SLC30A4: variants seen among roughly 807,000 people sequenced by gnomAD.
SLC30A4 encodes the protein solute carrier family 30 member 4, also known as probable proton-coupled zinc antiporter SLC30A4.
SLC30A4 carries 20 observed loss-of-function variants against 41.7 expected under a neutral mutation model. The observed-to-expected ratio is 0.48, with a 90% CI of 0.34 to 0.70. The LOEUF is 0.70. SLC30A4 is among the 30% of genes least tolerant of loss of function. The pLI, the probability that SLC30A4 is intolerant of heterozygous loss-of-function variation, is 0.01. For missense variants in SLC30A4, 441 were observed against 529.3 expected (o/e 0.83, Z 1.64); for synonymous variants, 181 against 195.9 (o/e 0.92, Z 0.64).
At chr15:45,505,159 A>T (rs919112803) in intron 3 of SLC30A4, among the ~76,000 whole-genome samples, 3 of 149,774 alleles carry the variant, frequency 2.0e-5, no homozygotes, top group Admixed American at 6.8e-5. Context: ...TGAATCCGGG[A>T]GGTGGAGGTT....
chr15:45,511,736 G>T (rs371943834), intron 2 of SLC30A4, among the ~76,000 whole-genome samples: 5 of 152,304 alleles, frequency 3.3e-5, no homozygotes, highest in African/African-American at 1.2e-4. Flanking sequence ...CACTCGCCTC[G>T]GCCTTGCAAG....
intron 3 of SLC30A4, among the ~76,000 whole-genome samples, chr15:45,497,850 T>C (rs2140826308): frequency 6.6e-6 from 1 of 152,344 alleles, no homozygotes; most frequent in East Asian, 1.9e-4. Context: ...ATTATTTTTA[T>C]GTTTGTATAC....
chr15:45,499,479 C>A (rs181873658), intron 3 of SLC30A4, among the ~76,000 whole-genome samples: 1 of 152,000 alleles, frequency 6.6e-6, no homozygotes, highest in Non-Finnish European at 1.5e-5. Context: ...TTATCTAATT[C>A]GCACAACCTC....
rs535363408 is a variant in SLC30A4, at chr15:45,488,108, C to T, written c.895-476G>A. Among the ~76,000 whole-genome samples the T allele has an allele frequency of 6.6e-5, 10 of 152,120 alleles. No individual in the cohort carries two copies. In the East Asian group the frequency reaches 1.7e-3, roughly 26 times the overall value. ...GCTCTGGAAAAAGTTTTAGCAGCCA[C>T]TAGTTTAAGCCCCTTGTAATAAAGA... On this transcript the variant is annotated intron_variant, in intron 5 of 7. Transcript: ENST00000261867.
At chr15:45,520,459 G>C (rs1892631979) in intron 2 of SLC30A4, among the ~76,000 whole-genome samples, 1 of 152,056 alleles carries the variant, frequency 6.6e-6, no homozygotes, top group Admixed American at 6.6e-5. Context: ...GTTTTTAGTA[G>C]AGACAAGGTT....
chr15:45,508,340 G>A (rs749102233), intron 3 of SLC30A4, among the ~76,000 whole-genome samples: 6 of 152,100 alleles, frequency 3.9e-5, no homozygotes, highest in Non-Finnish European at 7.4e-5. Flanking sequence ...TTTACTTGGC[G>A]GAAAGTGTAG....
intron 5 of SLC30A4, 74 bp from the exon 6 acceptor site, chr15:45,487,706 A>G (rs1891731233): frequency 1.4e-6 from 1 of 715,404 alleles, no homozygotes; most frequent in African/African-American, 1.8e-5. Flanking sequence ...AGCAAGGAAT[A>G]TGTCCCTTCT....
chr15:45,511,127 C>T lies in SLC30A4; in HGVS notation c.538+11G>A. The T allele has an allele frequency of 6.2e-7, 1 of 1,605,768 alleles. No individual in the cohort carries two copies. The highest frequency in any genetic ancestry group is 8.5e-7 in the Non-Finnish European group (1 of 1,175,404). On this transcript the variant is annotated intron_variant, in intron 3 of 7. Coordinates refer to ENST00000261867, the MANE Select transcript of SLC30A4 (RefSeq NM_013309.6). Reference sequence around the variant, plus strand: ...AAATATTATAAAGCAAAAGAAACACCAACTACCTACCTAAGCGATGAAATC... The same window carrying T: ...AAATATTATAAAGCAAAAGAAACACTAACTACCTACCTAAGCGATGAAATC...
intron 2 of SLC30A4, 135 bp from the exon 3 acceptor site, chr15:45,511,419 G>T: frequency 1.8e-6 from 1 of 552,492 alleles, no homozygotes; most frequent in Non-Finnish European, 3.0e-6. Context: ...TTAAATCAAG[G>T]TATTCTGAAA....
intron 3 of SLC30A4, among the ~76,000 whole-genome samples, chr15:45,506,247 G>A (rs1417765731): frequency 2.0e-5 from 3 of 152,076 alleles, no homozygotes; most frequent in African/African-American, 7.2e-5. Flanking sequence ...AATAAAATTT[G>A]ACTTTTGCAA....
At chr15:45,508,403 T>G (rs770697016) in intron 3 of SLC30A4, among the ~76,000 whole-genome samples, 1 of 152,178 alleles carries the variant, frequency 6.6e-6, no homozygotes, top group Non-Finnish European at 1.5e-5. Flanking sequence ...TAGTGACCAC[T>G]GGGAACGGCT....
At chr15:45,519,059 TTAG>T (rs1892584820) in intron 2 of SLC30A4, among the ~76,000 whole-genome samples, 1 of 151,570 alleles carries the variant, frequency 6.6e-6, no homozygotes. Context: ...TTTTGTATTT[TTAG>T]TAGAGATGGG....
In SLC30A4 at chr15:45,518,089, T is replaced by C. The variant is rs200902189; in HGVS notation, c.391+3875A>G. On this transcript the variant is annotated intron_variant, in intron 2 of 7. Transcript: ENST00000261867. Reference sequence around the variant, plus strand: ...TGCCTCTTTCCCTCATGGTTACACATTGAAGCCAAACTGGCCTTCTTTCTA... The same window carrying C: ...TGCCTCTTTCCCTCATGGTTACACACTGAAGCCAAACTGGCCTTCTTTCTA... Among the ~76,000 whole-genome samples, 41 of 152,374 alleles carry C rather than the reference T, an allele frequency of 2.7e-4. 1 individual carries two copies. In the East Asian group the frequency reaches 5.4e-3, roughly 20 times the overall value.
intron 3 of SLC30A4, among the ~76,000 whole-genome samples, chr15:45,498,107 T>C (rs1595524919): frequency 6.6e-6 from 1 of 152,238 alleles, no homozygotes; most frequent in East Asian, 1.9e-4. Context: ...TATGTAACAC[T>C]TGTCTTTCCA....
chr15:45,493,226 C>T (rs569450108), intron 3 of SLC30A4, among the ~76,000 whole-genome samples: 1 of 152,140 alleles, frequency 6.6e-6, no homozygotes. Flanking sequence ...GAGCCAAGAT[C>T]ACACCACTGC....
At chr15:45,492,102 G>C (rs1310069034) in intron 3 of SLC30A4, among the ~76,000 whole-genome samples, 1 of 150,708 alleles carries the variant, frequency 6.6e-6, no homozygotes, top group Admixed American at 6.7e-5. Flanking sequence ...CTTAAAATGT[G>C]TACATTACTT....
At position 45,482,486 on chromosome 15, in the gene SLC30A4, G is replaced by A. The variant is rs1245550802; in HGVS notation, c.*2677C>T. 1.3e-5 allele frequency: 2 copies of A among 151,614 alleles called. No homozygotes were observed. The highest frequency in any genetic ancestry group is 4.8e-5 in the African/African-American group (2 of 41,260). The allele number at this position is 151,614 out of a possible 1,614,324, so 9.4% of individuals were successfully genotyped here. A position where few individuals can be genotyped will look rare whatever the true frequency, so the allele number is the denominator to read the frequency against. On this transcript the variant is annotated 3_prime_UTR_variant, in exon 8 of 8. Coordinates refer to ENST00000261867, the MANE Select transcript of SLC30A4 (RefSeq NM_013309.6). ...CTGTTTTATCAAATACATTTTTTAA[G>A]GAACAGGTCGATACAAAAGCGAGAT...
At chr15:45,520,305 T>C (rs977524894) in intron 2 of SLC30A4, among the ~76,000 whole-genome samples, 10 of 152,102 alleles carry the variant, frequency 6.6e-5, no homozygotes, top group African/African-American at 2.4e-4. Flanking sequence ...ATTCTCACCC[T>C]GTTGCCCAGG....
intron 2 of SLC30A4, among the ~76,000 whole-genome samples, chr15:45,513,349 G>T (rs969009221): frequency 6.6e-6 from 1 of 151,278 alleles, no homozygotes; most frequent in African/African-American, 2.4e-5. Flanking sequence ...GGGACTACAG[G>T]CATGTACCAC....
Sources: gnomAD v4.1 joint callset for allele counts (sites outside exome capture counted in the v4.1 genomes callset) on GRCh38, gnomAD v4.1.1 for gene constraint, MANE v1.5 for transcripts, NCBI Gene and HGNC (gene_info 2026-07-23, HGNC 2026-07-21) for gene names.